The following CACNA1E variants were observed in gnomAD, a reference collection of about 807,000 sequenced individuals.
CACNA1E encodes the protein calcium voltage-gated channel subunit alpha1 E, also known as voltage-dependent R-type calcium channel subunit alpha-1E.
CACNA1E carries 40 observed loss-of-function variants against 259.2 expected under a neutral mutation model. The observed-to-expected ratio is 0.15, with a 90% CI of 0.12 to 0.20. The LOEUF (loss-of-function observed/expected upper bound fraction) is 0.20. CACNA1E is among the 10% of genes least tolerant of loss of function. The pLI, the probability that CACNA1E is intolerant of heterozygous loss-of-function variation, is 1.00. For synonymous variants in CACNA1E, 1,104 were observed against 1,138.5 expected (o/e 0.97, Z 0.61); for missense variants, 1,874 against 3,040.1 (o/e 0.62, Z 9.02).
chr1:181,745,603 G>A (rs1218125109), intron 25 of CACNA1E, among the ~76,000 whole-genome samples: 2 of 152,078 alleles, frequency 1.3e-5, no homozygotes, highest in Admixed American at 1.3e-4. Context: ...ACTTGAGTCG[G>A]AAGACTTCAT....
Position 181,739,061 on chromosome 1 carries a change from G to A in CACNA1E, c.3613-86G>A, listed in dbSNP as rs193004830. 6,903 of 825,762 alleles carry A rather than the reference G, an allele frequency of 8.4e-3. 82 individuals carry two copies. The highest frequency in any genetic ancestry group is 8.9e-3 in the Non-Finnish European group (4,154 of 465,726). 51.2% of individuals were successfully genotyped at this position (825,762 alleles called of 1,614,324 possible). A position where few individuals can be genotyped will look rare whatever the true frequency, so the allele number is the denominator to read the frequency against. ...GGTTGGTTGTGGAGACAGTGGCAGT[G>A]GGGGCACTGCCATGATGAACAGAGC... On this transcript the variant is annotated intron_variant, in intron 24 of 47. Transcript: ENST00000367573.
In CACNA1E at chr1:181,798,765, T is replaced by A; in HGVS notation, c.6873T>A (p.Pro2291=). ...GHYRRRRRGG[P]GPGMMCGAVN... is the part of the protein sequence containing the mutation. ...ATCGGCGGCGGAGGCGCGGGGGGCC[T>A]GGGCCAGGCATGATGTGTGGGGCTG... Residue 2291 remains proline, a synonymous_variant, in exon 48 of 48, where the codon CCT becomes CCA. Coordinates refer to ENST00000367573, the MANE Select transcript of CACNA1E (RefSeq NM_001205293.3). The surrounding 1 kb of genome is among the most constrained non-coding windows in gnomAD (Gnocchi z 4.2). 1 of 1,596,878 alleles carries A rather than the reference T, an allele frequency of 6.3e-7. No individual in the cohort carries two copies. Among genetic ancestry groups the A allele is most frequent in the Non-Finnish European group, 8.5e-7 (1 of 1,171,518 alleles).
chr1:181,345,874 G>A (rs1652553324), intron 1 of CACNA1E, among the ~76,000 whole-genome samples: 2 of 152,200 alleles, frequency 1.3e-5, no homozygotes, highest in African/African-American at 4.8e-5. Context: ...GGGAGGAGGG[G>A]AGAGAGTGGC....
intron 2 of CACNA1E, among the ~76,000 whole-genome samples, chr1:181,416,594 CTT>C (rs1222193637): frequency 6.6e-6 from 1 of 152,198 alleles, no homozygotes; most frequent in Admixed American, 6.5e-5. Context: ...CCTTCACTCT[CTT>C]ATTTCTGCTG....
intron 1 of CACNA1E, among the ~76,000 whole-genome samples, chr1:181,366,388 T>C (rs1490277286): frequency 6.6e-6 from 1 of 152,238 alleles, no homozygotes; most frequent in East Asian, 1.9e-4. Flanking sequence ...GAGACCTAGT[T>C]GTCTCAAGGT....
At chr1:181,752,058 C>A (rs1657646473) in intron 26 of CACNA1E, 85 bp from the exon 27 acceptor site, 2 of 961,184 alleles carry the variant, frequency 2.1e-6, no homozygotes, top group Non-Finnish European at 3.4e-6. Context: ...CCCCTTTTAG[C>A]CTGTTGTTAC....
intron 7 of CACNA1E, among the ~76,000 whole-genome samples, chr1:181,692,314 C>T (rs1558271948): frequency 6.6e-6 from 1 of 152,142 alleles, no homozygotes. Context: ...CTAAAATTTA[C>T]ATGGAGCTAA....
intron 1 of CACNA1E, among the ~76,000 whole-genome samples, chr1:181,356,916 T>A (rs1321006964): frequency 6.6e-6 from 1 of 152,172 alleles, no homozygotes; most frequent in Non-Finnish European, 1.5e-5. Flanking sequence ...GTTGCTCGAA[T>A]GGATTCTAAA....
intron 2 of CACNA1E, among the ~76,000 whole-genome samples, chr1:181,413,816 G>A (rs1196572186): frequency 2.6e-5 from 4 of 152,222 alleles, no homozygotes; most frequent in Non-Finnish European, 5.9e-5. Flanking sequence ...TGTCAGATGT[G>A]GGTGAATCAG....
rs1042308076 is a variant in CACNA1E, at chr1:181,348,333, A to G, written c.-15+30210A>G. Among the ~76,000 whole-genome samples the G allele has an allele frequency of 2.6e-5, 4 of 152,080 alleles. No individual in the cohort carries two copies. In the South Asian group the frequency reaches 6.2e-4, roughly 24 times the overall value. On this transcript the variant is annotated intron_variant, in intron 1 of 11. Transcript: ENST00000524607. ...ATCAAACCAGGTCGCATCTAAACTTAGAGCTTCCAAGCCTGAGGTCTCTGT... is the reference window on the plus strand; with the variant it reads ...ATCAAACCAGGTCGCATCTAAACTTGGAGCTTCCAAGCCTGAGGTCTCTGT...
At chr1:181,529,285 C>T (rs11801667) in intron 3 of CACNA1E, among the ~76,000 whole-genome samples, 38,088 of 152,214 alleles carry the variant, frequency 0.25, 5,288 homozygotes, top group Non-Finnish European at 0.31. Context: ...GTTTGGGAAC[C>T]TCCACCTAGA....
intron 1 of CACNA1E, among the ~76,000 whole-genome samples, chr1:181,388,160 G>A (rs143317350): frequency 8.4e-4 from 128 of 152,252 alleles, no homozygotes; most frequent in African/African-American, 3.0e-3. Flanking sequence ...CACGGCCATC[G>A]CTGGAACATC....
At chr1:181,777,680 G>T (rs1240793186) in intron 38 of CACNA1E, among the ~76,000 whole-genome samples, 1 of 152,186 alleles carries the variant, frequency 6.6e-6, no homozygotes, top group Non-Finnish European at 1.5e-5. Context: ...CCTGTAAAAT[G>T]GTGATCGTGA....
chr1:181,521,759 A>G (rs925886432), intron 3 of CACNA1E, among the ~76,000 whole-genome samples: 5 of 152,156 alleles, frequency 3.3e-5, no homozygotes, highest in African/African-American at 4.8e-5. Flanking sequence ...ACCTAACTTG[A>G]GACCTGAAGA....
intron 37 of CACNA1E, 57 bp downstream of exon 37, chr1:181,772,288 C>T (rs1659584993): frequency 8.5e-6 from 13 of 1,531,324 alleles, no homozygotes; most frequent in Non-Finnish European, 1.2e-5. Context: ...TACCCCTAAC[C>T]CTCTGATACA....
intron 3 of CACNA1E, among the ~76,000 whole-genome samples, chr1:181,542,446 G>A (rs1193369336): frequency 2.0e-5 from 3 of 152,144 alleles, no homozygotes; most frequent in South Asian, 2.1e-4. Context: ...ATCTTGAATT[G>A]TAATCTCCAC....
In CACNA1E at chr1:181,769,551, C is replaced by T. The variant is rs377290503; in HGVS notation, c.4882-1742C>T. Among the ~76,000 whole-genome samples the T allele has an allele frequency of 2.5e-3, 385 of 151,838 alleles. 3 individuals are homozygous for T. The highest frequency in any genetic ancestry group is 0.01 in the Middle Eastern group (3 of 294). ...TCAGCCCCACAAAGTGCTGGGATTA[C>T]AGGTGTGAGCCACCATGCCCGGCTT... is the stretch of plus-strand genomic sequence containing the variant. On this transcript the variant is annotated intron_variant, in intron 35 of 47. Transcript: ENST00000367573.
At chr1:181,791,439 C>G (rs757402495) in intron 44 of CACNA1E, among the ~76,000 whole-genome samples, 1 of 152,194 alleles carries the variant, frequency 6.6e-6, no homozygotes, top group Non-Finnish European at 1.5e-5. Flanking sequence ...CGCTGCTGCA[C>G]TCCAGCCTGG....
chr1:181,705,282 A>G (rs1304406597), intron 7 of CACNA1E, among the ~76,000 whole-genome samples: 1 of 152,216 alleles, frequency 6.6e-6, no homozygotes, highest in Non-Finnish European at 1.5e-5. Flanking sequence ...TCTACCTTGT[A>G]TGAGATTATG....
Sources: allele counts gnomAD v4.1 joint callset (sites outside exome capture counted in the v4.1 genomes callset), GRCh38; gene constraint gnomAD v4.1.1; non-coding constraint Gnocchi (gnomAD v3.1); transcripts MANE v1.5; gene names NCBI Gene and HGNC (gene_info 2026-07-23, HGNC 2026-07-21).